The following SLC39A12 variants were observed in gnomAD, a reference collection of about 807,000 sequenced individuals.
The protein encoded by SLC39A12 is zinc transporter ZIP12.
SLC39A12 carries 63 observed loss-of-function variants against 71.1 expected under a neutral mutation model. The observed-to-expected ratio is 0.89, with a 90% CI of 0.72 to 1.09. The LOEUF is 1.09. Among genes scored for constraint, SLC39A12 ranks in the 50% least tolerant of loss-of-function variants. SLC39A12 has a pLI of 0.00. For missense variants in SLC39A12, 892 were observed against 812.6 expected, an observed-to-expected ratio of 1.10 and a Z score of -1.19; for synonymous variants, 351 against 301.3, an observed-to-expected ratio of 1.16 and a Z score of -1.71.
At chr10:17,953,774 A>T (rs782564807) in intron 2 of SLC39A12, among the ~76,000 whole-genome samples, 25 of 152,034 alleles carry the variant, frequency 1.6e-4, no homozygotes, top group Non-Finnish European at 1.5e-5. Context: ...GCTTTCTAGA[A>T]CCCTTCTGCA....
At chr10:18,021,516 G>C (rs1465545180) in intron 12 of SLC39A12, among the ~76,000 whole-genome samples, 1 of 151,978 alleles carries the variant, frequency 6.6e-6, no homozygotes, top group Non-Finnish European at 1.5e-5. Flanking sequence ...GGGTTTTCTT[G>C]CCTGTGAGAT....
intron 4 of SLC39A12, among the ~76,000 whole-genome samples, chr10:17,973,095 A>G (rs1246201696): frequency 6.6e-6 from 1 of 152,158 alleles, no homozygotes; most frequent in Non-Finnish European, 1.5e-5. Context: ...TGTATAAACA[A>G]AAACCAAGCA....
intron 12 of SLC39A12, among the ~76,000 whole-genome samples, chr10:18,039,778 T>C (rs1211534104): frequency 6.6e-6 from 1 of 152,152 alleles, no homozygotes; most frequent in Non-Finnish European, 1.5e-5. Flanking sequence ...ACCTTGTTAA[T>C]CCCTCAAGAG....
At chr10:17,997,473 A>C (rs910537296) in intron 10 of SLC39A12, among the ~76,000 whole-genome samples, 3 of 152,182 alleles carry the variant, frequency 2.0e-5, no homozygotes, top group African/African-American at 7.2e-5. Context: ...AGCTGGGCAC[A>C]TAGTAGGTCT....
At chr10:18,027,330 T>C (rs1836705515) in intron 12 of SLC39A12, among the ~76,000 whole-genome samples, 1 of 152,222 alleles carries the variant, frequency 6.6e-6, no homozygotes, top group Admixed American at 6.5e-5. Flanking sequence ...TAGGCTTTGA[T>C]AAAACCCCAA....
chr10:18,011,752 A>T (rs966568240), intron 12 of SLC39A12, among the ~76,000 whole-genome samples: 1 of 152,170 alleles, frequency 6.6e-6, no homozygotes, highest in Non-Finnish European at 1.5e-5. Flanking sequence ...AGTCTCTCCT[A>T]ATTGCGTGTG....
chr10:17,998,121 C>T (rs1835736099), intron 10 of SLC39A12, among the ~76,000 whole-genome samples: 1 of 152,160 alleles, frequency 6.6e-6, no homozygotes, highest in South Asian at 2.1e-4. Context: ...GCCTCAACCT[C>T]CCGCTAAATA....
chr10:18,028,900 A>C (rs1299723768), intron 12 of SLC39A12, among the ~76,000 whole-genome samples: 6 of 152,010 alleles, frequency 3.9e-5, no homozygotes, highest in African/African-American at 1.4e-4. Context: ...TTGTGTTTTT[A>C]ATAGAGACGA....
chr10:17,961,817 T>C lies in SLC39A12; in HGVS notation c.498T>C (p.Asp166=), dbSNP rs1834698917. 4 of 1,613,956 alleles carry C rather than the reference T, an allele frequency of 2.5e-6. No homozygotes were observed. The highest frequency in any genetic ancestry group is 2.7e-5 in the African/African-American group (2 of 74,934). The change falls in exon 3 of 13, where the codon GAT becomes GAC. Residue 166 remains aspartate, a synonymous_variant. Coordinates refer to ENST00000377369, the MANE Select transcript of SLC39A12 (RefSeq NM_001145195.2). ...SSFLSQNETE[D]ILAFTRQYFD... ...TCCTTTCACAGAATGAGACAGAAGA[T>C]ATCTTGGCTTTCACCAGGCAGTACT...
intron 12 of SLC39A12, among the ~76,000 whole-genome samples, chr10:18,036,621 C>T (rs188960670): frequency 1.3e-5 from 2 of 151,650 alleles, no homozygotes; most frequent in East Asian, 3.9e-4. Flanking sequence ...GCGTCGCTCA[C>T]GCTGGGAGCT....
chr10:17,972,525 G>A (rs1242016121), intron 4 of SLC39A12, among the ~76,000 whole-genome samples: 1 of 152,116 alleles, frequency 6.6e-6, no homozygotes, highest in Admixed American at 6.5e-5. Context: ...CCAGTGTTGA[G>A]TGCATATATA....
Position 17,991,295 on chromosome 10 carries a change from A to G in SLC39A12, c.1414A>G (p.Asn472Asp). 1.3e-6 allele frequency: 2 copies of G among 1,580,934 alleles called. No homozygotes were observed. The highest frequency in any genetic ancestry group is 1.2e-5 in the South Asian group (1 of 83,198). ...EKCFILLVSP[N>D]DKQGLSLVNG... The stretch of plus-strand genomic sequence containing the variant: ...ATGTTTTATTCTTCTTGTATCACCA[A>G]ATGACAAGGTATATTTTTAAGTTTT... Residue 472 changes from asparagine (N) to aspartate (D), a missense_variant, in exon 8 of 13, where the codon AAT becomes GAT. Physicochemically the swap from Asn to Asp is conservative, Grantham distance 23 (BLOSUM62 1). Transcript: ENST00000377369.
At chr10:18,010,709 T>C (rs1446552815) in intron 12 of SLC39A12, 1 of 152,194 alleles carries the variant, frequency 6.6e-6, no homozygotes, top group African/African-American at 2.4e-5. Context: ...GTTCCTCTTT[T>C]CTTCTAACTA....
chr10:18,008,837 G>A (rs1003759695), intron 12 of SLC39A12, among the ~76,000 whole-genome samples: 2 of 151,662 alleles, frequency 1.3e-5, no homozygotes, highest in Admixed American at 6.6e-5. Flanking sequence ...TTACTTTCTT[G>A]CAGCTGTGTA....
chr10:17,995,020 A>T (rs1835649052), intron 9 of SLC39A12, among the ~76,000 whole-genome samples: 1 of 152,212 alleles, frequency 6.6e-6, no homozygotes, highest in Non-Finnish European at 1.5e-5. Context: ...AAATCACGTA[A>T]TCTTACCTCA....
chr10:18,035,707 G>T (rs1305987546), intron 12 of SLC39A12, among the ~76,000 whole-genome samples: 1 of 152,328 alleles, frequency 6.6e-6, no homozygotes, highest in East Asian at 1.9e-4. Context: ...GCGTTCCGCT[G>T]GAGGAGGAGA....
rs546469985 is a variant in SLC39A12 at position 17,990,374 on chromosome 10, A to G, written c.1270-777A>G. On this transcript the variant is annotated intron_variant, in intron 7 of 12. Coordinates refer to ENST00000377369, the MANE Select transcript of SLC39A12 (RefSeq NM_001145195.2). ...CACATATATGTATGAATGTATATAC[A>G]TATAATCTATACACATATAATTTCT... Among the ~76,000 whole-genome samples, 1,092 of 152,322 alleles carry G rather than the reference A, an allele frequency of 7.2e-3. 13 individuals are homozygous for G. The highest frequency in any genetic ancestry group is 0.025 in the African/African-American group (1,037 of 41,572).
intron 2 of SLC39A12, among the ~76,000 whole-genome samples, chr10:17,956,182 T>G (rs79177428): frequency 0.014 from 2,186 of 152,194 alleles, 48 homozygotes; most frequent in African/African-American, 0.05. Context: ...CCCGGGGAGA[T>G]CTCTGCAAGG....
At chr10:17,961,549 T>C (rs1834688667) in intron 2 of SLC39A12, 32 bp from the exon 3 acceptor site, 1 of 1,576,072 alleles carries the variant, frequency 6.3e-7, no homozygotes, top group African/African-American at 1.4e-5. Context: ...AAGCTTTGTT[T>C]CTTTTGTTGT....
Sources: allele counts gnomAD v4.1 joint callset (sites outside exome capture counted in the v4.1 genomes callset), GRCh38; gene constraint gnomAD v4.1.1; transcripts MANE v1.5; gene names NCBI Gene and HGNC (gene_info 2026-07-23, HGNC 2026-07-21).